LRPAP1: variants seen among roughly 807,000 people sequenced by gnomAD.
The protein encoded by LRPAP1 is alpha-2-macroglobulin receptor-associated protein.
In LRPAP1, 41 loss-of-function variants were observed where a neutral mutation model predicts 39.9. That is an observed-to-expected ratio of 1.03 (90% confidence interval 0.80 to 1.33). The LOEUF is 1.33. Ranked by LOEUF, LRPAP1 falls within the 40% of genes most tolerant of loss-of-function variation. The pLI, the probability that LRPAP1 is intolerant of heterozygous loss-of-function variation, is 0.00. For synonymous variants in LRPAP1, 263 were observed against 212.7 expected (o/e 1.24, Z -2.06); for missense variants, 565 against 482.3 (o/e 1.17, Z -1.61).
At chr4:3,524,378 A>C (rs768919127) in intron 2 of LRPAP1, among the ~76,000 whole-genome samples, 7 of 152,210 alleles carry the variant, frequency 4.6e-5, no homozygotes, top group Non-Finnish European at 1.0e-4. Flanking sequence ...CATCTGGAGT[A>C]TGTCCCCAAA....
rs762115060 is a variant in LRPAP1 at position 3,520,199 on chromosome 4, A to T, written c.350-6T>A. The T allele has an allele frequency of 1.1e-5, 18 of 1,612,716 alleles. No homozygotes were observed. The highest frequency in any genetic ancestry group is 1.5e-5 in the Non-Finnish European group (18 of 1,179,088). On this transcript the variant is annotated splice_polypyrimidine_tract_variant and splice_region_variant and intron_variant, in intron 2 of 7. Transcript: ENST00000650182. ...ACCATACTTGGCCAAGATGACTAGGAGAGAGGGGAGGTTCTATTTGATATG... is the reference window on the plus strand; with the variant it reads ...ACCATACTTGGCCAAGATGACTAGGTGAGAGGGGAGGTTCTATTTGATATG...
chr4:3,524,165 G>A (rs1427605305), intron 2 of LRPAP1, among the ~76,000 whole-genome samples: 1 of 152,168 alleles, frequency 6.6e-6, no homozygotes, highest in Non-Finnish European at 1.5e-5. Context: ...CCCTGCCGAC[G>A]GGCCCGTGGT....
At chr4:3,531,106 C>T (rs1560263487) in intron 1 of LRPAP1, among the ~76,000 whole-genome samples, 2 of 152,140 alleles carry the variant, frequency 1.3e-5, no homozygotes, top group African/African-American at 4.8e-5. Context: ...CAAGAAGCCG[C>T]CCTGCCGCTC....
chr4:3,518,767 GGAGCTGAGGCTGCCCACT>G (rs1729810869), intron 4 of LRPAP1, 86 bp downstream of exon 4: 1 of 749,702 alleles, frequency 1.3e-6, no homozygotes. Context: ...GTTCCTGAGG[GGAGCTGAGGCTGCCCACT>G]GAGCACAACG....
intron 5 of LRPAP1, 162 bp downstream of exon 5, chr4:3,517,872 C>G: frequency 1.3e-6 from 1 of 769,486 alleles, no homozygotes; most frequent in African/African-American, 1.8e-5. Flanking sequence ...CTCCTGGGAG[C>G]GAGGCCTGTG....
chr4:3,513,107 G>A (rs1577202709), intron 7 of LRPAP1, 71 bp from the exon 8 acceptor site: 1 of 1,203,088 alleles, frequency 8.3e-7, no homozygotes, highest in South Asian at 1.3e-5. Flanking sequence ...TCAGCCTCAT[G>A]TCAGGAGACG....
In LRPAP1 at chr4:3,519,008, G is replaced by A; in HGVS notation, c.472-17C>T. 1.2e-6 allele frequency: 2 copies of A among 1,611,220 alleles called. No homozygotes were observed. Among genetic ancestry groups the A allele is most frequent in the Non-Finnish European group, 1.7e-6 (2 of 1,178,352 alleles). On this transcript the variant is annotated splice_polypyrimidine_tract_variant and intron_variant, in intron 3 of 7. Transcript: ENST00000650182. ...GGTCTTCGCCTAAGAGGGAAACAAGGCCTGGAGTGAACCCGCCGCGGGCTC... is the reference window on the plus strand; with the variant it reads ...GGTCTTCGCCTAAGAGGGAAACAAGACCTGGAGTGAACCCGCCGCGGGCTC...
At chr4:3,517,814 A>C in intron 5 of LRPAP1, 1 of 486,106 alleles carries the variant, frequency 2.1e-6, no homozygotes, top group Non-Finnish European at 3.5e-6. Flanking sequence ...GCCCTCTGCT[A>C]GTCTCCAGGT....
At chr4:3,531,949 G>T in intron 1 of LRPAP1, 1 of 550,224 alleles carries the variant, frequency 1.8e-6, no homozygotes, top group Non-Finnish European at 3.2e-6. Context: ...AGGCTGGGGA[G>T]GGCGACACTG....
chr4:3,530,863 T>C (rs1730781), intron 1 of LRPAP1, among the ~76,000 whole-genome samples: 103,671 of 151,976 alleles, frequency 0.68, 36,104 homozygotes, highest in East Asian at 0.92. Flanking sequence ...GGTTCCTGGG[T>C]CCGAGTGCAC....
At chr4:3,520,640 C>T (rs1729883534) in intron 2 of LRPAP1, among the ~76,000 whole-genome samples, 1 of 152,262 alleles carries the variant, frequency 6.6e-6, no homozygotes, top group Non-Finnish European at 1.5e-5. Flanking sequence ...CTAAGGACCA[C>T]AGGACAGAGG....
chr4:3,531,523 G>A (rs1218679344), intron 1 of LRPAP1, among the ~76,000 whole-genome samples: 3 of 152,186 alleles, frequency 2.0e-5, no homozygotes, highest in African/African-American at 7.2e-5. Flanking sequence ...AATGAAGAGA[G>A]CAGCTGGCCC....
rs1577201386 is a variant in LRPAP1, at chr4:3,511,568, C to G, written c.*1406G>C. On this transcript the variant is annotated 3_prime_UTR_variant, in exon 8 of 8. Coordinates refer to ENST00000650182, the MANE Select transcript of LRPAP1 (RefSeq NM_002337.4). ...TGCTGTACCCTGGGGCCCTTCCAAC[C>G]CTGATGCGCCAACTCCCGACATGCT... is the stretch of plus-strand genomic sequence containing the variant. 1.3e-5 allele frequency: 2 copies of G among 152,478 alleles called. No individual in the cohort carries two copies. The allele number at this position is 152,478 out of a possible 1,614,324, so 9.4% of individuals were successfully genotyped here.
chr4:3,529,684 C>G (rs1222786727), intron 1 of LRPAP1, among the ~76,000 whole-genome samples: 1 of 152,024 alleles, frequency 6.6e-6, no homozygotes, highest in Non-Finnish European at 1.5e-5. Flanking sequence ...TGAAGCAGCA[C>G]CCCCCTGGCC....
At position 3,510,017 on chromosome 4, in the gene LRPAP1, A is replaced by C. The variant is rs1341509546; in HGVS notation, c.*2957T>G. 3 of 152,260 alleles carry C rather than the reference A, an allele frequency of 2.0e-5. No homozygotes were observed. Among genetic ancestry groups the C allele is most frequent in the Non-Finnish European group, 4.4e-5 (3 of 68,050 alleles). 9.4% of individuals were successfully genotyped at this position (152,260 alleles called of 1,614,324 possible). On this transcript the variant is annotated 3_prime_UTR_variant, in exon 8 of 8. Transcript: ENST00000650182. The stretch of plus-strand genomic sequence containing the variant: ...TGGTAGAAATTGAGACACTGATTGT[A>C]AAACATATATGGAAACACCAAGGAC...
chr4:3,526,489 A>G (rs929956485), intron 1 of LRPAP1, among the ~76,000 whole-genome samples: 1 of 152,260 alleles, frequency 6.6e-6, no homozygotes, highest in African/African-American at 2.4e-5. Context: ...TTATATTTCA[A>G]TAAAGTTTAC....
chr4:3,527,716 T>C (rs1406009538), intron 1 of LRPAP1, among the ~76,000 whole-genome samples: 2 of 152,190 alleles, frequency 1.3e-5, no homozygotes, highest in East Asian at 3.9e-4. Flanking sequence ...AGGTGTCCCA[T>C]GACTGCCCAT....
In LRPAP1 at chr4:3,506,065, C is replaced by CA. The variant is rs1200849923; in HGVS notation, c.*6908dup. ...AATTATTGAGATATTTTTAAATTTT[C>CA]AAGCTTTTTTTTTTTGAGACAGAGT... On this transcript the variant is annotated 3_prime_UTR_variant, in exon 8 of 8. Coordinates refer to ENST00000650182, the MANE Select transcript of LRPAP1 (RefSeq NM_002337.4). Among the ~76,000 whole-genome samples, 1 of 151,922 alleles carries CA rather than the reference C, an allele frequency of 6.6e-6. No individual in the cohort carries two copies. Among genetic ancestry groups the CA allele is most frequent in the African/African-American group, 2.4e-5 (1 of 41,370 alleles).
intron 2 of LRPAP1, 38 bp from the exon 3 acceptor site, chr4:3,520,231 T>C (rs1361858491): frequency 6.3e-7 from 1 of 1,594,918 alleles, no homozygotes; most frequent in Non-Finnish European, 8.6e-7. Flanking sequence ...TATGGTTTCC[T>C]GTGAAAAACA....
Sources: allele counts gnomAD v4.1 joint callset (sites outside exome capture counted in the v4.1 genomes callset), GRCh38; gene constraint gnomAD v4.1.1; transcripts MANE v1.5; gene names NCBI Gene and HGNC (gene_info 2026-07-23, HGNC 2026-07-21).